The following FAM169A variants were observed in gnomAD, a reference collection of about 807,000 sequenced individuals.
FAM169A encodes the protein family with sequence similarity 169 member A, also known as soluble lamin-associated protein of 75 kDa.
In FAM169A, 24 loss-of-function variants were observed where a neutral mutation model predicts 75.7. The ratio of observed to expected loss-of-function variants is 0.32; its 90% CI spans 0.23 to 0.45. The LOEUF (loss-of-function observed/expected upper bound fraction) is 0.45, where lower values mean the gene tolerates loss of function less well. FAM169A is among the 20% of genes least tolerant of loss of function. The pLI is 1.00. For missense variants in FAM169A, 673 were observed against 784.0 expected, an observed-to-expected ratio of 0.86 and a Z score of 1.69; for synonymous variants, 271 against 271.0, an observed-to-expected ratio of 1.00 and a Z score of 0.00.
At chr5:74,812,598 T>A (rs1238158142) in intron 6 of FAM169A, among the ~76,000 whole-genome samples, 1 of 152,140 alleles carries the variant, frequency 6.6e-6, no homozygotes, top group Non-Finnish European at 1.5e-5. Context: ...TCTTTTTGTA[T>A]GTCTGAAATT....
rs544076067 is a variant in FAM169A at position 74,830,163 on chromosome 5, C to G, written c.490+4263G>C. On this transcript the variant is annotated intron_variant, in intron 5 of 12. Coordinates refer to ENST00000687041, the MANE Select transcript of FAM169A (RefSeq NM_001376049.1). ...AATTCCATTTACCTAGATAAGAATC[C>G]CCCTCACACAACAACATAAAAAGAG... 2.8e-4 allele frequency among the ~76,000 whole-genome samples: 43 copies of G among 151,948 alleles called. 1 individual carries two copies. The South Asian group carries it at 8.8e-3, about 31-fold the overall frequency.
Position 74,800,900 on chromosome 5 carries a change from T to A in FAM169A, c.1083A>T (p.Ser361=). The change falls in exon 10 of 13, where the codon TCA becomes TCT. Residue 361 remains serine, a synonymous_variant. Coordinates refer to ENST00000687041, the MANE Select transcript of FAM169A (RefSeq NM_001376049.1). ...TTTACTTGTTTATTGAAGCTGTAAG[T>A]GAAGTCTGGGAGGTCTTTTCATCTT... is the stretch of plus-strand genomic sequence containing the variant. ...QGEDEKTSQT[S]LTASINKLES... is the part of the protein sequence containing the mutation. 1 of 1,454,154 alleles carries A rather than the reference T, an allele frequency of 6.9e-7. No homozygotes were observed. The highest frequency in any genetic ancestry group is 9.1e-7 in the Non-Finnish European group (1 of 1,098,070). The allele number at this position is 1,454,154 out of a possible 1,614,324, so 90.1% of individuals were successfully genotyped here.
chr5:74,814,083 A>G, intron 5 of FAM169A, 64 bp from the exon 6 acceptor site: 1 of 1,289,986 alleles, frequency 7.8e-7, no homozygotes, highest in African/African-American at 1.5e-5. Context: ...ACATTTAGTG[A>G]CATGAGTTAA....
intron 5 of FAM169A, among the ~76,000 whole-genome samples, chr5:74,815,326 A>G (rs1311246726): frequency 6.6e-6 from 1 of 151,854 alleles, no homozygotes; most frequent in Non-Finnish European, 1.5e-5. Context: ...AGTAGCTGGG[A>G]TTACAGGCGC....
intron 5 of FAM169A, among the ~76,000 whole-genome samples, chr5:74,831,032 A>C (rs1156929553): frequency 6.6e-6 from 1 of 152,126 alleles, no homozygotes; most frequent in Non-Finnish European, 1.5e-5. Flanking sequence ...TCAACTTAAC[A>C]ACCTTTCTCT....
At chr5:74,828,373 C>A (rs1748141774) in intron 5 of FAM169A, among the ~76,000 whole-genome samples, 1 of 152,132 alleles carries the variant, frequency 6.6e-6, no homozygotes, top group Non-Finnish European at 1.5e-5. Flanking sequence ...GTGGGACTTC[C>A]AGACCTTTTT....
At chr5:74,816,375 AT>A (rs987151505) in intron 5 of FAM169A, among the ~76,000 whole-genome samples, 1 of 151,532 alleles carries the variant, frequency 6.6e-6, no homozygotes, top group Non-Finnish European at 1.5e-5. Context: ...TCATAAATTG[AT>A]TTTTTTTTCT....
rs1450646215 is a variant in FAM169A at position 74,780,233 on chromosome 5, A to C, written c.*1227T>G. ...AATCAAAGGATGATTGAAGCCTCCAATATGATTGAAGCCCTTGTAACCACA... is the reference window on the plus strand; with the variant it reads ...AATCAAAGGATGATTGAAGCCTCCACTATGATTGAAGCCCTTGTAACCACA... On this transcript the variant is annotated 3_prime_UTR_variant, in exon 13 of 13. Coordinates refer to ENST00000687041, the MANE Select transcript of FAM169A (RefSeq NM_001376049.1). The C allele has an allele frequency of 1.3e-5, 2 of 152,234 alleles. No homozygotes were observed. The highest frequency in any genetic ancestry group is 3.8e-4 in the East Asian group (2 of 5,196). 9.4% of individuals were successfully genotyped at this position (152,234 alleles called of 1,614,324 possible).
Position 74,803,974 on chromosome 5 carries a change from A to G in FAM169A, c.912+519T>C, listed in dbSNP as rs575472937. 2.0e-3 allele frequency among the ~76,000 whole-genome samples: 308 copies of G among 152,294 alleles called. 1 individual carries two copies. The highest frequency in any genetic ancestry group is 6.8e-3 in the Middle Eastern group (2 of 294). ...TTAAAAATTTAAGGATCCTATGTTA[A>G]GGAAACAAATAATGATAGTTACATA... On this transcript the variant is annotated intron_variant, in intron 8 of 12. Transcript: ENST00000687041.
intron 11 of FAM169A, among the ~76,000 whole-genome samples, chr5:74,792,893 T>C (rs1746052809): frequency 2.0e-5 from 3 of 152,174 alleles, no homozygotes; most frequent in Non-Finnish European, 4.4e-5. Context: ...GCAATCCCAC[T>C]ACTGGCTATC....
At chr5:74,857,572 GAAAAAAAAAAAAA>G (rs35476827) in intron 1 of FAM169A, among the ~76,000 whole-genome samples, 1,166 of 56,368 alleles carry the variant, frequency 0.021, 23 homozygotes, top group South Asian at 0.063. Flanking sequence ...CTTGCCGCGG[GAAAAAAAAAAAAA>G]AAAAAAAAAA....
intron 1 of FAM169A, among the ~76,000 whole-genome samples, chr5:74,859,998 T>C (rs1287395366): frequency 1.3e-5 from 2 of 152,176 alleles, no homozygotes; most frequent in Admixed American, 1.3e-4. Context: ...ATAATGATAT[T>C]AGTAGCTCAC....
At chr5:74,846,075 T>C (rs1749141909) in intron 1 of FAM169A, among the ~76,000 whole-genome samples, 2 of 152,194 alleles carry the variant, frequency 1.3e-5, no homozygotes, top group South Asian at 4.1e-4. Context: ...TTTCTTCTCT[T>C]ATGGACAAGA....
At chr5:74,832,177 A>C (rs1399968314) in intron 5 of FAM169A, among the ~76,000 whole-genome samples, 1 of 152,078 alleles carries the variant, frequency 6.6e-6, no homozygotes, top group Non-Finnish European at 1.5e-5. Flanking sequence ...CATCATATAA[A>C]TAATGAGAAA....
intron 1 of FAM169A, among the ~76,000 whole-genome samples, chr5:74,864,989 G>A (rs144951266): frequency 2.2e-4 from 33 of 152,298 alleles, no homozygotes; most frequent in Non-Finnish European, 4.4e-4. Context: ...TGTACATCCT[G>A]TGTAAAAAAT....
At chr5:74,800,037 G>A (rs1484637897) in intron 10 of FAM169A, 10 of 745,850 alleles carry the variant, frequency 1.3e-5, no homozygotes, top group Admixed American at 3.5e-5. Flanking sequence ...TACTGGCATC[G>A]ATGGAGAGCC....
chr5:74,782,121 C>T (rs1175300636), intron 12 of FAM169A, 113 bp from the exon 13 acceptor site: 7 of 780,126 alleles, frequency 9.0e-6, no homozygotes, highest in Non-Finnish European at 1.2e-5. Flanking sequence ...GTATTCATTA[C>T]TCAAAATCGA....
intron 1 of FAM169A, among the ~76,000 whole-genome samples, chr5:74,850,356 C>T (rs1749378719): frequency 6.6e-6 from 1 of 152,160 alleles, no homozygotes; most frequent in Non-Finnish European, 1.5e-5. Flanking sequence ...TAATATATGT[C>T]AGGGGAAGTG....
At chr5:74,802,644 C>T (rs1470183628) in intron 8 of FAM169A, among the ~76,000 whole-genome samples, 4 of 152,080 alleles carry the variant, frequency 2.6e-5, no homozygotes, top group Admixed American at 6.6e-5. Flanking sequence ...ATATTTCCAA[C>T]AATGGACCAT....
Sources: allele counts gnomAD v4.1 joint callset (sites outside exome capture counted in the v4.1 genomes callset), GRCh38; gene constraint gnomAD v4.1.1; transcripts MANE v1.5; gene names NCBI Gene and HGNC (gene_info 2026-07-23, HGNC 2026-07-21).